STXBP4: variants seen among roughly 807,000 people sequenced by gnomAD.
STXBP4 encodes syntaxin-binding protein 4.
In STXBP4, 55 loss-of-function variants were observed where a neutral mutation model predicts 76.1. The observed-to-expected ratio is 0.72, with a 90% CI of 0.58 to 0.91. The LOEUF is 0.91. STXBP4 is among the 40% of genes least tolerant of loss of function. The pLI, the probability that STXBP4 is intolerant of heterozygous loss-of-function variation, is 0.00. For synonymous variants in STXBP4, 201 were observed against 220.2 expected, an observed-to-expected ratio of 0.91 and a Z score of 0.77; for missense variants, 618 against 636.9, an observed-to-expected ratio of 0.97 and a Z score of 0.32.
chr17:55,156,043 A>G (rs1489260986), intron 17 of STXBP4, among the ~76,000 whole-genome samples: 1 of 152,222 alleles, frequency 6.6e-6, no homozygotes, highest in Non-Finnish European at 1.5e-5. Flanking sequence ...TTTCAAATAT[A>G]TCTGAAGTGC....
chr17:55,089,027 A>G (rs1273444520), intron 16 of STXBP4, among the ~76,000 whole-genome samples: 1 of 152,186 alleles, frequency 6.6e-6, no homozygotes, highest in East Asian at 1.9e-4. Flanking sequence ...GAGCACCCCA[A>G]TTGTTCATCC....
intron 9 of STXBP4, among the ~76,000 whole-genome samples, chr17:55,033,691 A>G (rs537585885): frequency 4.6e-5 from 7 of 152,134 alleles, no homozygotes; most frequent in Non-Finnish European, 1.0e-4. Context: ...AATTTTTTTC[A>G]TCTGTAAAAT....
chr17:55,212,407 G>A, the STXBP4 span, among the ~76,000 whole-genome samples: 1 of 152,120 alleles, frequency 6.6e-6, no homozygotes, highest in African/African-American at 2.4e-5. Context: ...TAATTCTTAG[G>A]TTATAGATTA....
At chr17:55,211,444 A>C in the STXBP4 span, among the ~76,000 whole-genome samples, 1 of 152,090 alleles carries the variant, frequency 6.6e-6, no homozygotes, top group Non-Finnish European at 1.5e-5. Context: ...TGAATTTTTC[A>C]AATATGCAAT....
intron 8 of STXBP4, among the ~76,000 whole-genome samples, chr17:55,029,050 T>TAA (rs36126127): frequency 4.0e-4 from 60 of 149,254 alleles, no homozygotes; most frequent in African/African-American, 5.4e-4. Flanking sequence ...TTCTGTAATT[T>TAA]AAAAAAAAAA....
chr17:55,039,499 A>G (rs778843455), intron 10 of STXBP4, among the ~76,000 whole-genome samples: 4 of 152,124 alleles, frequency 2.6e-5, no homozygotes, highest in Non-Finnish European at 5.9e-5. Flanking sequence ...TAGAAAGAGG[A>G]ATCATATGTG....
chr17:55,032,989 A>G (rs2078535639), intron 9 of STXBP4, among the ~76,000 whole-genome samples: 1 of 152,194 alleles, frequency 6.6e-6, no homozygotes, highest in Non-Finnish European at 1.5e-5. Context: ...ATTTGGAGAA[A>G]TCCTCCAACA....
At chr17:55,158,336 G>T (rs536979644) in intron 17 of STXBP4, among the ~76,000 whole-genome samples, 8 of 152,346 alleles carry the variant, frequency 5.3e-5, no homozygotes, top group East Asian at 1.9e-4. Flanking sequence ...AGTAATCGTT[G>T]TAAGTACTGG....
chr17:54,982,160 C>T lies in STXBP4; in HGVS notation c.-156-3454C>T, dbSNP rs193016246. On this transcript the variant is annotated intron_variant, in intron 1 of 17. Coordinates refer to ENST00000376352, the MANE Select transcript of STXBP4 (RefSeq NM_178509.6). ...ATTAAATTAATATTTACTATAATTTCTGGCAGAAGATATTTTTATCCCTTT... is the reference window on the plus strand; with the variant it reads ...ATTAAATTAATATTTACTATAATTTTTGGCAGAAGATATTTTTATCCCTTT... 3.4e-3 allele frequency among the ~76,000 whole-genome samples: 521 copies of T among 152,196 alleles called. 2 individuals carry two copies. Among genetic ancestry groups the T allele is most frequent in the Middle Eastern group, 0.017 (5 of 292 alleles).
At chr17:55,084,414 T>C (rs2079297321) in intron 16 of STXBP4, among the ~76,000 whole-genome samples, 1 of 152,180 alleles carries the variant, frequency 6.6e-6, no homozygotes, top group Non-Finnish European at 1.5e-5. Flanking sequence ...GCGAAAATTT[T>C]CTCCCATTTT....
At chr17:55,035,999 A>G (rs995448764) in intron 10 of STXBP4, among the ~76,000 whole-genome samples, 1 of 152,162 alleles carries the variant, frequency 6.6e-6, no homozygotes, top group Non-Finnish European at 1.5e-5. Context: ...CAAATAATTT[A>G]TCTTTTTTTA....
chr17:55,071,629 G>A (rs577311164), intron 12 of STXBP4, among the ~76,000 whole-genome samples: 2 of 152,204 alleles, frequency 1.3e-5, no homozygotes, highest in East Asian at 3.9e-4. Flanking sequence ...AAGGCTTTTT[G>A]TCTATATTGT....
At chr17:55,101,680 A>C (rs184803413) in intron 16 of STXBP4, among the ~76,000 whole-genome samples, 7 of 152,236 alleles carry the variant, frequency 4.6e-5, no homozygotes, top group Admixed American at 3.9e-4. Context: ...AAAAGCATAC[A>C]TGATATTTAT....
At chr17:55,114,918 T>C (rs2079763384) in intron 16 of STXBP4, among the ~76,000 whole-genome samples, 2 of 151,950 alleles carry the variant, frequency 1.3e-5, no homozygotes, top group African/African-American at 4.8e-5. Flanking sequence ...CTCTCCTGAA[T>C]TGGAGCTCAG....
intron 8 of STXBP4, among the ~76,000 whole-genome samples, chr17:55,026,912 T>G (rs1598226133): frequency 1.3e-5 from 2 of 152,224 alleles, no homozygotes; most frequent in South Asian, 2.1e-4. Context: ...GCAAGTAGAC[T>G]GGAAAGGGTG....
chr17:55,160,423 T>A lies in STXBP4; in HGVS notation c.*512T>A, dbSNP rs2080326937. 1 of 152,688 alleles carries A rather than the reference T, an allele frequency of 6.5e-6. No individual in the cohort carries two copies. Among genetic ancestry groups the A allele is most frequent in the Non-Finnish European group, 1.5e-5 (1 of 68,094 alleles). The allele number at this position is 152,688 out of a possible 1,614,324, so 9.5% of individuals were successfully genotyped here. A position where few individuals can be genotyped will look rare whatever the true frequency, so the allele number is the denominator to read the frequency against. On this transcript the variant is annotated 3_prime_UTR_variant, in exon 18 of 18. Coordinates refer to ENST00000376352, the MANE Select transcript of STXBP4 (RefSeq NM_178509.6). ...GGGCTGATGAATACAGCTGGTATCT[T>A]TGTGGAGCTTTCTAATTTACAAAAT...
chr17:55,077,085 T>A (rs1305760580), intron 13 of STXBP4, among the ~76,000 whole-genome samples: 1 of 152,188 alleles, frequency 6.6e-6, no homozygotes. Flanking sequence ...TGCCTTATAT[T>A]TTGTATCTGC....
intron 12 of STXBP4, among the ~76,000 whole-genome samples, chr17:55,049,461 G>A (rs2078831962): frequency 6.6e-6 from 1 of 151,774 alleles, no homozygotes; most frequent in African/African-American, 2.4e-5. Flanking sequence ...GAGGAAAACA[G>A]AATACATCAT....
In STXBP4 at chr17:55,143,052, TA is replaced by T. The variant is rs367936054; in HGVS notation, c.1547+1687del. Among the ~76,000 whole-genome samples the T allele has an allele frequency of 3.3e-3, 506 of 152,320 alleles. 2 individuals carry two copies. Among genetic ancestry groups the T allele is most frequent in the African/African-American group, 0.011 (471 of 41,550 alleles). On this transcript the variant is annotated intron_variant, in intron 17 of 17. Transcript: ENST00000376352. Reference sequence around the variant, plus strand: ...TTCTTTCTTTCTCTCTTTTTGATATTAACTTTATAAAGGAAAAGATGAGGGC... The same window carrying T: ...TTCTTTCTTTCTCTCTTTTTGATATTACTTTATAAAGGAAAAGATGAGGGC...
Sources: allele counts gnomAD v4.1 joint callset (sites outside exome capture counted in the v4.1 genomes callset), GRCh38; gene constraint gnomAD v4.1.1; transcripts MANE v1.5; gene names NCBI Gene and HGNC (gene_info 2026-07-23, HGNC 2026-07-21).